The following MOB1B variants were observed in gnomAD, a reference collection of about 807,000 sequenced individuals.
MOB1B encodes the protein MOB1 Mps One Binder homolog B.
A neutral mutation model predicts 24.4 loss-of-function variants in MOB1B; 19 were observed. The observed-to-expected ratio is 0.78, with a 90% CI of 0.54 to 1.14. MOB1B has a LOEUF of 1.14. Ranked by LOEUF, MOB1B falls within the 50% of genes most tolerant of loss-of-function variation. The pLI is 0.00. For synonymous variants in MOB1B, 76 were observed against 82.1 expected (o/e 0.93, Z 0.40); for missense variants, 243 against 259.6 (o/e 0.94, Z 0.44).
chr4:70,929,042 C>T (rs1736768493), intron 1 of MOB1B, among the ~76,000 whole-genome samples: 1 of 152,160 alleles, frequency 6.6e-6, no homozygotes, highest in Non-Finnish European at 1.5e-5. Flanking sequence ...TTCCCACTAT[C>T]ATTGCATCAT....
intron 2 of MOB1B, among the ~76,000 whole-genome samples, chr4:70,967,602 A>G (rs759880183): frequency 3.3e-5 from 5 of 152,234 alleles, no homozygotes; most frequent in Admixed American, 6.5e-5. Flanking sequence ...CTAAAAGACC[A>G]TAATTATTAT....
intron 1 of MOB1B, among the ~76,000 whole-genome samples, chr4:70,937,309 A>G (rs927707344): frequency 1.3e-5 from 2 of 151,702 alleles, no homozygotes; most frequent in African/African-American, 2.4e-5. Flanking sequence ...TATCTTTGTA[A>G]CTTTTCCTAA....
chr4:70,934,809 T>C (rs1284961636), intron 1 of MOB1B, among the ~76,000 whole-genome samples: 1 of 152,138 alleles, frequency 6.6e-6, no homozygotes, highest in Non-Finnish European at 1.5e-5. Context: ...GTCTCCGTAA[T>C]TGTTTTGTTT....
At chr4:70,952,981 C>T (rs546937638) in intron 1 of MOB1B, among the ~76,000 whole-genome samples, 2 of 127,492 alleles carry the variant, frequency 1.6e-5, no homozygotes, top group African/African-American at 2.9e-5. Flanking sequence ...CTCGCCCTGT[C>T]GCCCAGCCTG....
Position 70,975,129 on chromosome 4 carries a change from GT to G in MOB1B, c.276-23del, listed in dbSNP as rs763410476. On this transcript the variant is annotated intron_variant, in intron 3 of 5. Transcript: ENST00000309395. ...GTATAGGTATATACTAATCTTCTGTGTGCTTTTTATCTCTCCAATGCAGATA... is the reference window on the plus strand; with the variant it reads ...GTATAGGTATATACTAATCTTCTGTGGCTTTTTATCTCTCCAATGCAGATA... The G allele has an allele frequency of 3.2e-6, 5 of 1,571,626 alleles. No homozygotes were observed. In the African/African-American group the frequency reaches 5.5e-5, roughly 17 times the overall value.
chr4:70,942,534 T>C (rs958625437), intron 1 of MOB1B, among the ~76,000 whole-genome samples: 40 of 152,152 alleles, frequency 2.6e-4, no homozygotes, highest in African/African-American at 9.6e-4. Flanking sequence ...GATTAAAGCT[T>C]TCTGCTAGTC....
chr4:70,943,542 T>G (rs1737435944), intron 1 of MOB1B, among the ~76,000 whole-genome samples: 1 of 152,182 alleles, frequency 6.6e-6, no homozygotes, highest in South Asian at 2.1e-4. Context: ...CAAGGTATAG[T>G]AACTTTTTAA....
Position 70,919,315 on chromosome 4 carries a change from TAA to T in MOB1B, c.14+16777_14+16778del, listed in dbSNP as rs528264787. Among the ~76,000 whole-genome samples the T allele has an allele frequency of 2.8e-3, 394 of 142,570 alleles. 3 individuals carry two copies. Among genetic ancestry groups the T allele is most frequent in the Non-Finnish European group, 3.6e-3 (234 of 64,888 alleles). The allele number at this position is 142,570 out of a possible 152,430, so 93.5% of individuals were successfully genotyped here. On this transcript the variant is annotated intron_variant, in intron 1 of 5. Coordinates refer to ENST00000309395, the MANE Select transcript of MOB1B (RefSeq NM_173468.4). ...CTAAAACTTAAAGTGTAATAATAAT[TAA>T]AAAAAAAAAAAGACAATTTTGAAAC... is the stretch of plus-strand genomic sequence containing the variant.
intron 1 of MOB1B, among the ~76,000 whole-genome samples, chr4:70,925,788 G>A (rs1430016358): frequency 1.3e-5 from 2 of 152,192 alleles, no homozygotes; most frequent in Admixed American, 1.3e-4. Flanking sequence ...TATAACACCA[G>A]TTCTGTCTTT....
chr4:70,902,009 T>G (rs1018339670), upstream of MOB1B, among the ~76,000 whole-genome samples: 8 of 152,120 alleles, frequency 5.3e-5, no homozygotes, highest in Non-Finnish European at 1.2e-4. Context: ...ATTCCATCCC[T>G]CACTGCGGGA....
Position 70,953,705 on chromosome 4 carries a change from A to G in MOB1B, c.15-5169A>G, listed in dbSNP as rs527474255. 3.9e-5 allele frequency among the ~76,000 whole-genome samples: 6 copies of G among 152,328 alleles called. 1 individual carries two copies. In the East Asian group the frequency reaches 9.7e-4, roughly 25 times the overall value. On this transcript the variant is annotated intron_variant, in intron 1 of 5. Transcript: ENST00000309395. ...TGCCTGTCATTCCCAGCACTTTGGG[A>G]GGCTAAAGCGGGCGGATCACTTGAG...
In MOB1B at chr4:70,970,010, G is replaced by C. The variant is rs1738694340; in HGVS notation, c.261G>C (p.Met87Ile). The change falls in exon 3 of 6, where the codon ATG (methionine) becomes ATC (isoleucine). Residue 87 changes from methionine (M) to isoleucine (I), a missense_variant. Physicochemically the swap from Met to Ile is conservative, Grantham distance 10 (BLOSUM62 1). Transcript: ENST00000309395. ...DFCTEESCPV[M>I]SAGPKYEYHW... The stretch of plus-strand genomic sequence containing the variant: ...GTACAGAAGAGAGTTGTCCAGTGAT[G>C]TCAGCTGGCCCAAAGTAAGACATAG... 3 of 1,581,916 alleles carry C rather than the reference G, an allele frequency of 1.9e-6. No individual in the cohort carries two copies. The highest frequency in any genetic ancestry group is 2.6e-6 in the Non-Finnish European group (3 of 1,157,422).
chr4:70,938,030 G>A (rs112553611), intron 1 of MOB1B, among the ~76,000 whole-genome samples: 1,627 of 150,912 alleles, frequency 0.011, 27 homozygotes, highest in African/African-American at 0.038. Context: ...ATAGTTTTTG[G>A]GCTTTTTTGA....
chr4:70,908,110 C>T (rs956870775), intron 1 of MOB1B, among the ~76,000 whole-genome samples: 4 of 151,426 alleles, frequency 2.6e-5, no homozygotes, highest in African/African-American at 7.3e-5. Context: ...ACTGCAACCT[C>T]CACCTCCCGG....
At chr4:70,937,463 G>A (rs1160274238) in intron 1 of MOB1B, among the ~76,000 whole-genome samples, 2 of 151,432 alleles carry the variant, frequency 1.3e-5, no homozygotes, top group Non-Finnish European at 2.9e-5. Context: ...TCTATATCTT[G>A]GATATTAGGC....
At chr4:70,956,300 A>G (rs527909455) in intron 1 of MOB1B, among the ~76,000 whole-genome samples, 11 of 151,778 alleles carry the variant, frequency 7.2e-5, no homozygotes, top group Non-Finnish European at 1.0e-4. Context: ...AAAATTTTAA[A>G]TATATTTTTT....
chr4:70,904,532 A>G (rs1356035268), intron 1 of MOB1B, among the ~76,000 whole-genome samples: 3 of 151,770 alleles, frequency 2.0e-5, no homozygotes, highest in Non-Finnish European at 4.4e-5. Context: ...AGGCCAAGAC[A>G]GGCAGATCAC....
At chr4:70,922,812 A>G (rs889968779) in intron 1 of MOB1B, among the ~76,000 whole-genome samples, 8 of 152,236 alleles carry the variant, frequency 5.3e-5, no homozygotes, top group Non-Finnish European at 1.0e-4. Context: ...TTTGGTAGAC[A>G]CAACATGTAA....
Position 70,976,309 on chromosome 4 carries a change from CA to C in MOB1B, c.409+1024del. 3.0e-6 allele frequency: 3 copies of C among 984,908 alleles called. 1 individual carries two copies. The South Asian group carries it at 1.4e-4, about 46-fold the overall frequency. The allele number at this position is 984,908 out of a possible 1,614,324, so 61.0% of individuals were successfully genotyped here. ...TTGTATCTACTTATTTAGGGAAGTT[CA>C]TATGGCTTCTATCCAGTGTTATTTA... On this transcript the variant is annotated intron_variant, in intron 4 of 5. Coordinates refer to ENST00000309395, the MANE Select transcript of MOB1B (RefSeq NM_173468.4).
Sources: gnomAD v4.1 joint callset for allele counts (sites outside exome capture counted in the v4.1 genomes callset) on GRCh38, gnomAD v4.1.1 for gene constraint, MANE v1.5 for transcripts, NCBI Gene and HGNC (gene_info 2026-07-23, HGNC 2026-07-21) for gene names.